The following ACOXL variants were observed in gnomAD, a reference collection of about 807,000 sequenced individuals.
ACOXL encodes the protein acyl-coenzyme A oxidase-like protein.
A neutral mutation model predicts 71.9 loss-of-function variants in ACOXL; 70 were observed. The observed-to-expected ratio is 0.97, with a 90% CI of 0.80 to 1.19. ACOXL has a LOEUF of 1.19. ACOXL is among the 50% of genes most tolerant of loss of function. The pLI is 0.00. For synonymous variants in ACOXL, 253 were observed against 281.6 expected, an observed-to-expected ratio of 0.90 and a Z score of 1.02; for missense variants, 703 against 736.3, an observed-to-expected ratio of 0.95 and a Z score of 0.52.
chr2:110,741,910 G>A (rs1242279689), intron 1 of ACOXL, among the ~76,000 whole-genome samples: 1 of 152,332 alleles, frequency 6.6e-6, no homozygotes. Context: ...TGCCTCCAGC[G>A]GTGAGAGAGG....
chr2:110,952,986 T>A (rs1360488159), intron 12 of ACOXL, among the ~76,000 whole-genome samples: 1 of 152,228 alleles, frequency 6.6e-6, no homozygotes, highest in Non-Finnish European at 1.5e-5. Context: ...ATGAATTAGT[T>A]GATTATGTTT....
intron 10 of ACOXL, among the ~76,000 whole-genome samples, chr2:110,847,426 A>G (rs977655879): frequency 1.3e-5 from 2 of 152,190 alleles, no homozygotes; most frequent in African/African-American, 2.4e-5. Context: ...TATTTCTAAG[A>G]AGAGCTCGTG....
chr2:110,959,262 C>G (rs2061611106), intron 12 of ACOXL, among the ~76,000 whole-genome samples: 1 of 152,180 alleles, frequency 6.6e-6, no homozygotes, highest in African/African-American at 2.4e-5. Context: ...CACCATGAAC[C>G]CCAGGCGGGA....
chr2:111,083,276 G>C (rs1367073817), intron 16 of ACOXL, among the ~76,000 whole-genome samples: 1 of 152,112 alleles, frequency 6.6e-6, no homozygotes, highest in Admixed American at 6.5e-5. Context: ...GCTGTGTCAG[G>C]GGTCCCCAAG....
intron 12 of ACOXL, 46 bp downstream of exon 12, chr2:110,933,688 C>A (rs1366573105): frequency 5.1e-6 from 8 of 1,569,654 alleles, no homozygotes; most frequent in Non-Finnish European, 6.9e-6. Flanking sequence ...ACGATACAAC[C>A]CACACTGGGG....
At chr2:110,826,378 T>C (rs551011099) in intron 9 of ACOXL, among the ~76,000 whole-genome samples, 16 of 152,342 alleles carry the variant, frequency 1.1e-4, no homozygotes, top group Admixed American at 3.9e-4. Context: ...TTAGGCAAGA[T>C]AGCATGTTCT....
intron 17 of ACOXL, among the ~76,000 whole-genome samples, chr2:111,106,540 T>C (rs913279899): frequency 2.6e-5 from 4 of 152,232 alleles, no homozygotes; most frequent in African/African-American, 9.6e-5. Flanking sequence ...TGACATCTAT[T>C]GATTGTCTTT....
intron 15 of ACOXL, among the ~76,000 whole-genome samples, chr2:111,040,409 C>T (rs1019181047): frequency 3.9e-5 from 6 of 152,204 alleles, no homozygotes; most frequent in East Asian, 1.9e-4. Flanking sequence ...AGTTATCCTT[C>T]GGAAACAATC....
rs996011211 is a variant in ACOXL, at chr2:110,955,385, C to T, written c.1059+21743C>T. On this transcript the variant is annotated intron_variant, in intron 12 of 17. Transcript: ENST00000439055. ...TTTCATTCTCAGCCCTCAGCAAGCC[C>T]TTCACTGTCTGCCTCCATCCCCCAC... Among the ~76,000 whole-genome samples, 7 of 151,468 alleles carry T rather than the reference C, an allele frequency of 4.6e-5. No individual in the cohort carries two copies. The South Asian group carries it at 1.0e-3, about 23-fold the overall frequency.
At chr2:111,035,155 C>T (rs1328077037) in intron 15 of ACOXL, among the ~76,000 whole-genome samples, 1 of 152,076 alleles carries the variant, frequency 6.6e-6, no homozygotes, top group Non-Finnish European at 1.5e-5. Context: ...CGTGAGCCAC[C>T]GTCCCCGGCC....
chr2:110,922,509 A>C (rs753469668), intron 11 of ACOXL, among the ~76,000 whole-genome samples: 7 of 152,214 alleles, frequency 4.6e-5, no homozygotes, highest in African/African-American at 7.2e-5. Flanking sequence ...AAGTTATTAG[A>C]CTACATAAGA....
intron 16 of ACOXL, among the ~76,000 whole-genome samples, chr2:111,064,493 A>G (rs1294752417): frequency 1.3e-5 from 2 of 152,100 alleles, no homozygotes; most frequent in Non-Finnish European, 2.9e-5. Flanking sequence ...ACTTATGCAC[A>G]AAGATACCTA....
rs61028803 is a variant in ACOXL, at chr2:110,846,641, GCA to G, written c.788+5269_788+5270del. 8.8e-3 allele frequency among the ~76,000 whole-genome samples: 1,212 copies of G among 137,982 alleles called. 14 individuals carry two copies. Among genetic ancestry groups the G allele is most frequent in the Non-Finnish European group, 0.012 (793 of 64,334 alleles). 90.5% of individuals were successfully genotyped at this position (137,982 alleles called of 152,430 possible). On this transcript the variant is annotated intron_variant, in intron 10 of 17. Coordinates refer to ENST00000439055, the MANE Select transcript of ACOXL (RefSeq NM_001142807.4). ...TGTGAGCATGCAAGTATGCATACACGCACACACACACACACACACACACACAC... is the reference window on the plus strand; with the variant it reads ...TGTGAGCATGCAAGTATGCATACACGCACACACACACACACACACACACAC...
At chr2:110,923,161 C>T (rs2060140809) in intron 11 of ACOXL, among the ~76,000 whole-genome samples, 1 of 152,094 alleles carries the variant, frequency 6.6e-6, no homozygotes, top group Admixed American at 6.5e-5. Flanking sequence ...AAAAAGTTGG[C>T]ACATTCTGCG....
intron 11 of ACOXL, among the ~76,000 whole-genome samples, chr2:110,924,595 GT>G (rs1264135806): frequency 6.6e-6 from 1 of 152,132 alleles, no homozygotes; most frequent in African/African-American, 2.4e-5. Context: ...ATCTGTGAAA[GT>G]TTTATTATGA....
chr2:111,056,159 C>T (rs1413645187), intron 16 of ACOXL, among the ~76,000 whole-genome samples: 2 of 151,134 alleles, frequency 1.3e-5, no homozygotes, highest in Admixed American at 6.6e-5. Flanking sequence ...ATGTTTATGC[C>T]ACTGCCCTCC....
intron 10 of ACOXL, among the ~76,000 whole-genome samples, chr2:110,875,005 C>T (rs1046638698): frequency 6.6e-6 from 1 of 152,184 alleles, no homozygotes; most frequent in African/African-American, 2.4e-5. Flanking sequence ...GGATTTTAAG[C>T]TGTGATCAGG....
intron 1 of ACOXL, among the ~76,000 whole-genome samples, chr2:110,746,402 A>G (rs768033358): frequency 6.6e-6 from 1 of 151,870 alleles, no homozygotes; most frequent in Non-Finnish European, 1.5e-5. Flanking sequence ...GTGATCTCAG[A>G]CCCCAAGATC....
At chr2:110,987,239 A>G (rs1333223379) in intron 13 of ACOXL, 22 bp downstream of exon 13, 23 of 1,551,164 alleles carry the variant, frequency 1.5e-5, no homozygotes, top group Non-Finnish European at 2.0e-5. Flanking sequence ...TCAGGCCATC[A>G]TCATCTGCCT....
Sources: allele counts gnomAD v4.1 joint callset (sites outside exome capture counted in the v4.1 genomes callset), GRCh38; gene constraint gnomAD v4.1.1; transcripts MANE v1.5; gene names NCBI Gene and HGNC (gene_info 2026-07-23, HGNC 2026-07-21).